ABCC11: variants seen among roughly 807,000 people sequenced by gnomAD.
ABCC11 encodes the protein ATP binding cassette subfamily C member 11.
A neutral mutation model predicts 149.3 loss-of-function variants in ABCC11; 135 were observed. The observed-to-expected ratio is 0.90, with a 90% CI of 0.79 to 1.04. ABCC11 has a LOEUF of 1.04. Among genes scored for constraint, ABCC11 ranks in the 50% least tolerant of loss-of-function variants. The pLI is 0.00. For synonymous variants in ABCC11, 665 were observed against 671.4 expected, an observed-to-expected ratio of 0.99 and a Z score of 0.15; for missense variants, 1,680 against 1,722.1, an observed-to-expected ratio of 0.98 and a Z score of 0.43.
chr16:48,174,893 C>G (rs1217632367), intron 26 of ABCC11, among the ~76,000 whole-genome samples: 1 of 152,170 alleles, frequency 6.6e-6, no homozygotes, highest in Non-Finnish European at 1.5e-5. Flanking sequence ...TGGCTATTCA[C>G]AGGCACAGTC....
chr16:48,182,589 C>A (rs1966509151), intron 23 of ABCC11, among the ~76,000 whole-genome samples: 1 of 152,048 alleles, frequency 6.6e-6, no homozygotes, highest in Admixed American at 6.6e-5. Context: ...ACCATCCTGG[C>A]TAACACAGTG....
intron 18 of ABCC11, 77 bp downstream of exon 18, chr16:48,196,155 C>T: frequency 6.8e-7 from 1 of 1,461,688 alleles, no homozygotes; most frequent in Non-Finnish European, 9.5e-7. Context: ...CACATGACCT[C>T]ACGTGTTCCA....
chr16:48,238,753 C>T (rs1026060559), intron 1 of ABCC11, among the ~76,000 whole-genome samples: 7 of 151,598 alleles, frequency 4.6e-5, no homozygotes, highest in Non-Finnish European at 8.8e-5. Flanking sequence ...CTGGCTAACA[C>T]GGTGAAACCC....
At chr16:48,196,156 A>C in intron 18 of ABCC11, 76 bp downstream of exon 18, 1 of 1,464,718 alleles carries the variant, frequency 6.8e-7, no homozygotes, top group Non-Finnish European at 9.5e-7. Context: ...ACATGACCTC[A>C]CGTGTTCCAA....
chr16:48,180,540 T>C lies in ABCC11; in HGVS notation c.3259-1854A>G, dbSNP rs187764436. The stretch of plus-strand genomic sequence containing the variant: ...TCGAGGCCATTTTGAGTTGGTTCTT[T>C]GCCTCGCAGCCAGATGCATCTCTGG... On this transcript the variant is annotated intron_variant, in intron 23 of 29. Transcript: ENST00000356608. 3.0e-4 allele frequency among the ~76,000 whole-genome samples: 45 copies of C among 152,374 alleles called. No homozygotes were observed. In the East Asian group the frequency reaches 8.3e-3, roughly 28 times the overall value.
chr16:48,225,152 C>G (rs997722401), intron 4 of ABCC11, among the ~76,000 whole-genome samples: 1 of 150,832 alleles, frequency 6.6e-6, no homozygotes. Flanking sequence ...GTGAGTTGAA[C>G]CAGTGAGCCG....
intron 1 of ABCC11, among the ~76,000 whole-genome samples, chr16:48,233,096 G>A (rs190325337): frequency 4.6e-5 from 7 of 152,278 alleles, no homozygotes; most frequent in Admixed American, 4.6e-4. Flanking sequence ...AGCTACTTAA[G>A]AGGCTGAGGC....
chr16:48,246,311 T>C (rs1034525342), intron 1 of ABCC11, among the ~76,000 whole-genome samples: 2 of 152,218 alleles, frequency 1.3e-5, no homozygotes, highest in African/African-American at 2.4e-5. Context: ...ATAAATTGTA[T>C]TGGATTCTAG....
At chr16:48,211,457 G>A (rs1012982694) in intron 10 of ABCC11, among the ~76,000 whole-genome samples, 3 of 152,172 alleles carry the variant, frequency 2.0e-5, no homozygotes, top group East Asian at 1.9e-4. Flanking sequence ...GCAACTCTGC[G>A]CTCAGGAGGT....
intron 1 of ABCC11, among the ~76,000 whole-genome samples, chr16:48,239,427 T>A (rs1223806655): frequency 1.3e-5 from 2 of 151,912 alleles, no homozygotes; most frequent in Admixed American, 1.3e-4. Flanking sequence ...CCAGGTGTGG[T>A]GGCAGATGCC....
intron 1 of ABCC11, among the ~76,000 whole-genome samples, chr16:48,233,421 C>T (rs1379808263): frequency 1.3e-5 from 2 of 152,128 alleles, no homozygotes; most frequent in Non-Finnish European, 2.9e-5. Flanking sequence ...GGCACCAGGC[C>T]ATAGGCTTAC....
At position 48,167,347 on chromosome 16, in the gene ABCC11, G is replaced by A. The variant is rs745638318; in HGVS notation, c.4076C>T (p.Pro1359Leu). ...GNGKVVEFDR[P>L]EVLRKKPGSL... ...CCCAGGCTTCTTCCGCAGTACCTCCGGCCGATCAAATTCTACCACCTGGAG... is the reference window on the plus strand; with the variant it reads ...CCCAGGCTTCTTCCGCAGTACCTCCAGCCGATCAAATTCTACCACCTGGAG... The change falls in exon 30 of 30, where the codon CCG becomes CTG. Residue 1359 changes from proline to leucine, a missense_variant. By Grantham distance (98) the Pro-to-Leu change is moderately conservative. Transcript: ENST00000356608. The A allele has an allele frequency of 9.9e-6, 12 of 1,215,980 alleles. No homozygotes were observed. Among genetic ancestry groups the A allele is most frequent in the South Asian group, 4.8e-5 (4 of 83,326 alleles). 75.3% of individuals were successfully genotyped at this position (1,215,980 alleles called of 1,614,324 possible).
In ABCC11 at chr16:48,213,532, A is replaced by G. The variant is rs1001416655; in HGVS notation, c.1267T>C (p.Ser423Pro). 2 of 1,609,970 alleles carry G rather than the reference A, an allele frequency of 1.2e-6. No individual in the cohort carries two copies. The highest frequency in any genetic ancestry group is 2.7e-5 in the African/African-American group (2 of 74,794). The change falls in exon 10 of 30, where the codon TCC (serine) becomes CCC (proline). Residue 423 changes from serine to proline, a missense_variant. Coordinates refer to ENST00000356608, the MANE Select transcript of ABCC11 (RefSeq NM_001370497.1). ...TASMAFSMLA[S>P]LNLLRLSVFF... ...ACTGACAGCCGAAGGAGATTCAAGG[A>G]GGCCAGCATGCTGAAGGCCTGGATA... is the stretch of plus-strand genomic sequence containing the variant.
intron 6 of ABCC11, among the ~76,000 whole-genome samples, chr16:48,219,081 C>A (rs1305741611): frequency 1.3e-5 from 2 of 152,012 alleles, no homozygotes; most frequent in African/African-American, 2.4e-5. Flanking sequence ...AAACATAGTA[C>A]CACTTACATA....
Position 48,222,901 on chromosome 16 carries a change from A to C in ABCC11, c.544-70T>G, listed in dbSNP as rs1224885079. 6 of 1,360,216 alleles carry C rather than the reference A, an allele frequency of 4.4e-6. No homozygotes were observed. In the African/African-American group the frequency reaches 8.7e-5, roughly 20 times the overall value. The allele number at this position is 1,360,216 out of a possible 1,614,324, so 84.3% of individuals were successfully genotyped here. A position where few individuals can be genotyped will look rare whatever the true frequency, so the allele number is the denominator to read the frequency against. On this transcript the variant is annotated intron_variant, in intron 5 of 29. Transcript: ENST00000356608. ...ACACGTTTGATGTTTTGTTGCTGGAAGAAGGGTTGGGAGGTCTGATTCATG... is the reference window on the plus strand; with the variant it reads ...ACACGTTTGATGTTTTGTTGCTGGACGAAGGGTTGGGAGGTCTGATTCATG...
chr16:48,219,841 C>T (rs550831835), intron 6 of ABCC11, among the ~76,000 whole-genome samples: 19 of 152,034 alleles, frequency 1.2e-4, no homozygotes, highest in African/African-American at 4.1e-4. Flanking sequence ...ATTAGCCAGG[C>T]GTGGTGGCAC....
At position 48,193,995 on chromosome 16, in the gene ABCC11, C is replaced by T; in HGVS notation, c.2405-13G>A. On this transcript the variant is annotated splice_polypyrimidine_tract_variant and intron_variant, in intron 18 of 29. Transcript: ENST00000356608. ...GAGACCATGTAACCTGGGAGGGAGA[C>T]AGTGGTGATGTACAAGTGCCACAAA... The T allele has an allele frequency of 6.3e-7, 1 of 1,592,468 alleles. No individual in the cohort carries two copies. The highest frequency in any genetic ancestry group is 8.6e-7 in the Non-Finnish European group (1 of 1,160,898).
rs1965681190 is a variant in ABCC11, at chr16:48,170,972, C to A, written c.3699-5G>T. On this transcript the variant is annotated splice_polypyrimidine_tract_variant and splice_region_variant and intron_variant, in intron 26 of 29. Coordinates refer to ENST00000356608, the MANE Select transcript of ABCC11 (RefSeq NM_001370497.1). The stretch of plus-strand genomic sequence containing the variant: ...TCAAAGGGATCTAGGTTGAATCTAC[C>A]ATATGAGAGAAAGAGAAGTGTTCAA... 4.4e-6 allele frequency: 7 copies of A among 1,607,404 alleles called. No individual in the cohort carries two copies. The highest frequency in any genetic ancestry group is 6.0e-6 in the Non-Finnish European group (7 of 1,173,968).
chr16:48,176,681 C>T (rs1299874940), intron 25 of ABCC11, among the ~76,000 whole-genome samples: 1 of 152,184 alleles, frequency 6.6e-6, no homozygotes, highest in Non-Finnish European at 1.5e-5. Context: ...CCACAGCCTG[C>T]AGCTGTCACA....
Sources: gnomAD v4.1 joint callset for allele counts (sites outside exome capture counted in the v4.1 genomes callset) on GRCh38, gnomAD v4.1.1 for gene constraint, MANE v1.5 for transcripts, NCBI Gene and HGNC (gene_info 2026-07-23, HGNC 2026-07-21) for gene names.